The following PFKP variants were observed in gnomAD, a reference collection of about 807,000 sequenced individuals.
The protein encoded by PFKP is phosphofructokinase, platelet, also known as ATP-dependent 6-phosphofructokinase, platelet type.
Under a neutral mutation model 94.3 loss-of-function variants are expected in PFKP, and 101 were observed. That is an observed-to-expected ratio of 1.07 (90% confidence interval 0.91 to 1.26). The LOEUF is 1.26. Among genes scored for constraint, PFKP ranks in the 50% most tolerant of loss-of-function variants. The pLI is 0.00. For missense variants in PFKP, 1,145 were observed against 1,103.3 expected (o/e 1.04, Z -0.53); for synonymous variants, 573 against 432.6 (o/e 1.32, Z -4.03).
intron 2 of PFKP, among the ~76,000 whole-genome samples, chr10:3,093,793 G>A (rs1050946332): frequency 7.2e-5 from 11 of 152,020 alleles, no homozygotes; most frequent in East Asian, 1.9e-4. Context: ...ACAGGCTCCC[G>A]CCACCACACC....
chr10:3,100,141 C>A (rs1394685973), intron 3 of PFKP, among the ~76,000 whole-genome samples: 2 of 151,412 alleles, frequency 1.3e-5, no homozygotes, highest in Non-Finnish European at 2.9e-5. Flanking sequence ...GCCCAGTTAT[C>A]CTGGTTTCGT....
chr10:3,104,768 C>T (rs948116713), intron 5 of PFKP: 42 of 356,858 alleles, frequency 1.2e-4, no homozygotes, highest in Admixed American at 2.4e-4. Flanking sequence ...CAGCAGCTGC[C>T]GACTGTGCCC....
chr10:3,118,313 A>C (rs1394907731), intron 14 of PFKP, among the ~76,000 whole-genome samples: 6 of 151,874 alleles, frequency 4.0e-5, no homozygotes, highest in Admixed American at 3.9e-4. Flanking sequence ...CTAAAAATGC[A>C]AAAAATTAGC....
chr10:3,067,745 C>A (rs1449222219), intron 1 of PFKP, 38 bp downstream of exon 1: 2 of 1,162,512 alleles, frequency 1.7e-6, no homozygotes, highest in Admixed American at 2.4e-5. Context: ...GAGGGACGGA[C>A]GGACGGAGCT....
At position 3,106,216 on chromosome 10, in the gene PFKP, G is replaced by A. The variant is rs190401066; in HGVS notation, c.774+715G>A. On this transcript the variant is annotated intron_variant, in intron 7 of 21. Transcript: ENST00000381125. ...TCTGGAGGGAGGCAGAAAGCATGGC[G>A]TGCACGGGGCGCCTGTGGGGCGTCC... 1.2e-3 allele frequency among the ~76,000 whole-genome samples: 178 copies of A among 150,912 alleles called. 2 individuals are homozygous for A. The highest frequency in any genetic ancestry group is 2.1e-3 in the Non-Finnish European group (140 of 67,684).
chr10:3,074,821 C>T (rs1251131187), intron 1 of PFKP, among the ~76,000 whole-genome samples: 2 of 152,124 alleles, frequency 1.3e-5, no homozygotes, highest in African/African-American at 4.8e-5. Context: ...TGGAATGTGC[C>T]GAGACCAGCT....
At chr10:3,072,225 A>T (rs1832249902) in intron 1 of PFKP, among the ~76,000 whole-genome samples, 1 of 152,250 alleles carries the variant, frequency 6.6e-6, no homozygotes, top group African/African-American at 2.4e-5. Flanking sequence ...AACTGTTAAG[A>T]CTTCAAGATT....
chr10:3,081,644 G>A (rs1317547893), intron 1 of PFKP, among the ~76,000 whole-genome samples: 1 of 152,216 alleles, frequency 6.6e-6, no homozygotes, highest in African/African-American at 2.4e-5. Context: ...GTGGTTCCGA[G>A]ACACTAGTGG....
intron 10 of PFKP, 102 bp downstream of exon 10, chr10:3,109,582 T>TG: frequency 7.2e-7 from 1 of 1,393,228 alleles, no homozygotes; most frequent in Non-Finnish European, 9.8e-7. Flanking sequence ...CGGTGCACGA[T>TG]GCATTACACG....
chr10:3,084,274 A>G (rs1027767571), intron 2 of PFKP, among the ~76,000 whole-genome samples: 5 of 152,288 alleles, frequency 3.3e-5, no homozygotes, highest in African/African-American at 1.2e-4. Context: ...AGCTCCCATG[A>G]TGATGCTGTG....
rs1363804961 is a variant in PFKP at position 3,081,558 on chromosome 10, C to T, written c.113-830C>T. Reference sequence around the variant, plus strand: ...GCTGCATGGCTGTGGGTGCGGCCCTCGTGCCTTTTCACTCCTCTCCCGATG... The same window carrying T: ...GCTGCATGGCTGTGGGTGCGGCCCTTGTGCCTTTTCACTCCTCTCCCGATG... On this transcript the variant is annotated intron_variant, in intron 1 of 21. Coordinates refer to ENST00000381125, the MANE Select transcript of PFKP (RefSeq NM_002627.5). Among the ~76,000 whole-genome samples the T allele has an allele frequency of 2.0e-5, 3 of 152,332 alleles. No homozygotes were observed. The East Asian group carries it at 5.8e-4, about 29-fold the overall frequency.
intron 2 of PFKP, among the ~76,000 whole-genome samples, chr10:3,082,717 CTTTTTTCTT>C (rs1196497288): frequency 4.6e-5 from 7 of 152,104 alleles, no homozygotes; most frequent in African/African-American, 4.8e-5. Context: ...AAGCCATTTT[CTTTTTTCTT>C]TTTTTTCTTT....
intron 2 of PFKP, among the ~76,000 whole-genome samples, chr10:3,093,705 G>T (rs566442520): frequency 2.1e-5 from 3 of 141,298 alleles, no homozygotes; most frequent in African/African-American, 8.3e-5. Flanking sequence ...GTGCAGTGGC[G>T]CAATCTCAGC....
At position 3,105,498 on chromosome 10, in the gene PFKP, G is replaced by C. The variant is rs144604806; in HGVS notation, c.771G>C (p.Ser257=). Residue 257 remains serine (S), a synonymous_variant, in exon 7 of 22, where the codon TCG becomes TCC. Coordinates refer to ENST00000381125, the MANE Select transcript of PFKP (RefSeq NM_002627.5). ...AGGAGCAGATGTGTGTCAAACTCTC[G>C]GAGGTAATGCGGGTCCCGTGGCCGT... ...GWEEQMCVKL[S]ENRARKKRLN... is the part of the protein sequence containing the mutation. 1.2e-6 allele frequency: 2 copies of C among 1,607,072 alleles called. No individual in the cohort carries two copies. Among genetic ancestry groups the C allele is most frequent in the East Asian group, 4.5e-5 (2 of 44,838 alleles).
intron 2 of PFKP, among the ~76,000 whole-genome samples, chr10:3,083,909 C>G (rs1833281296): frequency 6.6e-6 from 1 of 152,170 alleles, no homozygotes; most frequent in Non-Finnish European, 1.5e-5. Context: ...TCCCAAAATG[C>G]TGGGATTACA....
chr10:3,100,852 G>C, intron 3 of PFKP: 2 of 465,638 alleles, frequency 4.3e-6, no homozygotes, highest in Non-Finnish European at 7.5e-6. Context: ...GGGGCAGCGA[G>C]TATGTGGTGC....
At chr10:3,125,548 G>A (rs920305674) in intron 16 of PFKP, among the ~76,000 whole-genome samples, 2 of 152,156 alleles carry the variant, frequency 1.3e-5, no homozygotes, top group African/African-American at 2.4e-5. Context: ...TCCTGCCCAC[G>A]CTGAGTAGTG....
At chr10:3,101,314 C>T (rs1221782993) in intron 3 of PFKP, 51 bp from the exon 4 acceptor site, 13 of 1,454,552 alleles carry the variant, frequency 8.9e-6, no homozygotes, top group Admixed American at 2.1e-5. Flanking sequence ...TGCCATCCAC[C>T]TGGCGCTCTC....
At chr10:3,107,152 G>T in intron 7 of PFKP, 62 bp from the exon 8 acceptor site, 3 of 1,013,510 alleles carry the variant, frequency 3.0e-6, no homozygotes, top group Non-Finnish European at 3.1e-6. Flanking sequence ...CTGTGGTTTT[G>T]TTGCATTTGT....
Sources: gnomAD v4.1 joint callset for allele counts (sites outside exome capture counted in the v4.1 genomes callset) on GRCh38, gnomAD v4.1.1 for gene constraint, MANE v1.5 for transcripts, NCBI Gene and HGNC (gene_info 2026-07-23, HGNC 2026-07-21) for gene names.